Variants in FSTL5 observed in about 807,000 individuals in gnomAD.
FSTL5 encodes the protein follistatin-related protein 5.
FSTL5 carries 62 observed loss-of-function variants against 89.1 expected under a neutral mutation model. The ratio of observed to expected loss-of-function variants is 0.70; its 90% CI spans 0.57 to 0.86. The LOEUF is 0.86. FSTL5 is among the 40% of genes least tolerant of loss of function. The pLI is 0.00. For synonymous variants in FSTL5, 383 were observed against 346.2 expected (o/e 1.11, Z -1.18); for missense variants, 1,057 against 1,001.6 (o/e 1.06, Z -0.75).
At chr4:161,919,174 G>A (rs1733922395) in intron 4 of FSTL5, among the ~76,000 whole-genome samples, 1 of 151,958 alleles carries the variant, frequency 6.6e-6, no homozygotes, top group Non-Finnish European at 1.5e-5. Context: ...TTGTAAAATA[G>A]ATTTGATAGA....
At chr4:161,560,988 T>G (rs1263652221) in intron 8 of FSTL5, among the ~76,000 whole-genome samples, 2 of 151,974 alleles carry the variant, frequency 1.3e-5, no homozygotes, top group Admixed American at 6.6e-5. Context: ...TGCCATACAT[T>G]TGTATTACTG....
At position 161,802,909 on chromosome 4, in the gene FSTL5, G is replaced by C. The variant is rs150837545; in HGVS notation, c.410-26835C>G. Among the ~76,000 whole-genome samples the C allele has an allele frequency of 4.8e-3, 730 of 151,854 alleles. 4 individuals are homozygous for C. The highest frequency in any genetic ancestry group is 0.017 in the African/African-American group (695 of 41,498). Reference sequence around the variant, plus strand: ...ATAATTTCCAAAACAGCAATCTACTGTTTTTGAAAAGTAATTTTCTCTAAT... The same window carrying C: ...ATAATTTCCAAAACAGCAATCTACTCTTTTTGAAAAGTAATTTTCTCTAAT... On this transcript the variant is annotated intron_variant, in intron 4 of 15. Transcript: ENST00000306100.
chr4:161,909,987 A>C (rs1477686526), intron 4 of FSTL5, among the ~76,000 whole-genome samples: 1 of 152,148 alleles, frequency 6.6e-6, no homozygotes, highest in African/African-American at 2.4e-5. Context: ...TAGAATAAAA[A>C]ATCTCTAATG....
chr4:161,777,438 T>A (rs1156778953), intron 4 of FSTL5, among the ~76,000 whole-genome samples: 2 of 151,932 alleles, frequency 1.3e-5, no homozygotes, highest in Non-Finnish European at 2.9e-5. Context: ...AAACTGCTGG[T>A]GGGAATGTAA....
intron 1 of FSTL5, among the ~76,000 whole-genome samples, chr4:162,117,551 G>C (rs918135662): frequency 1.3e-5 from 2 of 152,092 alleles, no homozygotes; most frequent in African/African-American, 4.8e-5. Flanking sequence ...AGGAGAAGAG[G>C]TCCAAAGACT....
intron 7 of FSTL5, among the ~76,000 whole-genome samples, chr4:161,621,811 G>T (rs1329833314): frequency 7.6e-6 from 1 of 131,290 alleles, no homozygotes; most frequent in Non-Finnish European, 1.6e-5. Context: ...ATGAGACCCT[G>T]TCTCTTCTAA....
At chr4:161,407,426 A>T (rs938684241) in intron 15 of FSTL5, among the ~76,000 whole-genome samples, 5 of 152,176 alleles carry the variant, frequency 3.3e-5, no homozygotes, top group African/African-American at 1.2e-4. Flanking sequence ...CTGAAGAGGG[A>T]GGAGGCTAGA....
chr4:162,046,406 C>T (rs1483557), intron 2 of FSTL5, among the ~76,000 whole-genome samples: 47,285 of 151,894 alleles, frequency 0.31, 8,499 homozygotes, highest in Non-Finnish European at 0.4. Flanking sequence ...GTAATTTACT[C>T]GGGGAAAAGA....
intron 8 of FSTL5, among the ~76,000 whole-genome samples, chr4:161,579,903 A>G (rs1014534788): frequency 6.6e-6 from 1 of 152,110 alleles, no homozygotes; most frequent in Non-Finnish European, 1.5e-5. Context: ...ATAAAGAATC[A>G]GGGAAAAACT....
At chr4:161,899,814 ATTGTATTTAGT>A (rs1428566630) in intron 4 of FSTL5, among the ~76,000 whole-genome samples, 1 of 152,186 alleles carries the variant, frequency 6.6e-6, no homozygotes, top group Non-Finnish European at 1.5e-5. Flanking sequence ...CACCTAACAG[ATTGTATTTAGT>A]GAACATGTAA....
intron 7 of FSTL5, among the ~76,000 whole-genome samples, chr4:161,611,358 A>G (rs1220454298): frequency 6.6e-6 from 1 of 150,620 alleles, no homozygotes; most frequent in African/African-American, 2.4e-5. Flanking sequence ...GAAAATCGAG[A>G]TATTTTTATT....
intron 12 of FSTL5, among the ~76,000 whole-genome samples, chr4:161,490,252 T>C (rs1185540504): frequency 2.0e-5 from 3 of 152,138 alleles, no homozygotes; most frequent in African/African-American, 7.2e-5. Flanking sequence ...TCCGATATAA[T>C]ACAAGTTCTC....
chr4:161,827,026 A>G (rs1730689781), intron 4 of FSTL5, among the ~76,000 whole-genome samples: 1 of 152,070 alleles, frequency 6.6e-6, no homozygotes, highest in African/African-American at 2.4e-5. Flanking sequence ...GTGTATTTCA[A>G]GGATTTGTTT....
At chr4:161,975,613 G>A (rs1424084841) in intron 3 of FSTL5, among the ~76,000 whole-genome samples, 1 of 151,102 alleles carries the variant, frequency 6.6e-6, no homozygotes, top group Non-Finnish European at 1.5e-5. Context: ...TGGGGTGGGG[G>A]GAGTGGGGAG....
intron 7 of FSTL5, among the ~76,000 whole-genome samples, chr4:161,626,826 T>C (rs944455976): frequency 5.3e-5 from 8 of 152,140 alleles, no homozygotes; most frequent in African/African-American, 1.9e-4. Flanking sequence ...TTGAATCCAA[T>C]CCTCATGGAT....
intron 4 of FSTL5, among the ~76,000 whole-genome samples, chr4:161,907,433 C>T (rs1444949491): frequency 6.6e-6 from 1 of 152,006 alleles, no homozygotes; most frequent in African/African-American, 2.4e-5. Flanking sequence ...ATAAAAACTC[C>T]ACCTCAAGGC....
chr4:161,521,448 T>C (rs542149078), intron 10 of FSTL5, among the ~76,000 whole-genome samples: 21 of 152,302 alleles, frequency 1.4e-4, no homozygotes, highest in Non-Finnish European at 2.4e-4. Flanking sequence ...GTCTTCTTTA[T>C]ATGTTTAAGT....
At chr4:161,469,794 C>A (rs982427154) in intron 13 of FSTL5, among the ~76,000 whole-genome samples, 12 of 152,024 alleles carry the variant, frequency 7.9e-5, no homozygotes, top group Admixed American at 3.3e-4. Context: ...CCCACCACCA[C>A]GCCCGGCTAC....
chr4:161,411,432 T>A (rs1420813721), intron 15 of FSTL5, among the ~76,000 whole-genome samples: 3 of 148,814 alleles, frequency 2.0e-5, no homozygotes, highest in Admixed American at 6.7e-5. Flanking sequence ...GATGCAAAAA[T>A]CCTCAACAAA....
Sources: gnomAD v4.1 joint callset for allele counts (sites outside exome capture counted in the v4.1 genomes callset) on GRCh38, gnomAD v4.1.1 for gene constraint, MANE v1.5 for transcripts, NCBI Gene and HGNC (gene_info 2026-07-23, HGNC 2026-07-21) for gene names.